Variants in PTH2R observed in about 807,000 individuals in gnomAD.
The protein encoded by PTH2R is parathyroid hormone 2 receptor, also known as PTH2 receptor.
Under a neutral mutation model 60.3 loss-of-function variants are expected in PTH2R, and 59 were observed. The ratio of observed to expected loss-of-function variants is 0.98; its 90% confidence interval spans 0.79 to 1.22. The LOEUF is 1.22. Ranked by LOEUF, PTH2R falls within the 50% of genes most tolerant of loss-of-function variation. The pLI is 0.00. For missense variants in PTH2R, 749 were observed against 682.6 expected, an observed-to-expected ratio of 1.10 and a Z score of -1.08; for synonymous variants, 256 against 243.8, an observed-to-expected ratio of 1.05 and a Z score of -0.47.
chr2:208,478,387 G>A (rs1012021332), intron 9 of PTH2R, among the ~76,000 whole-genome samples: 1 of 152,020 alleles, frequency 6.6e-6, no homozygotes, highest in African/African-American at 2.4e-5. Context: ...ATCCTTTTCA[G>A]CTTCTAGAGG....
intron 1 of PTH2R, among the ~76,000 whole-genome samples, chr2:208,422,913 A>C (rs1232392356): frequency 6.6e-6 from 1 of 151,410 alleles, no homozygotes; most frequent in African/African-American, 2.4e-5. Context: ...TGCACTTCCC[A>C]CTCCTCAACT....
In PTH2R at chr2:208,442,388, GT is replaced by G. The variant is rs1365675948; in HGVS notation, c.437del (p.Val146GlufsTer44). On this transcript the variant is annotated frameshift_variant, in exon 5 of 13. Coordinates refer to ENST00000272847, the MANE Select transcript of PTH2R (RefSeq NM_005048.4). LOFTEE classifies it high-confidence loss of function. ...GCAAGAATTCTTTGAACGCCTCTAT[GT>G]AATGTATACCGTTGGCTACTCCATC... ...GKQEFFERLYVMYTVGYSISF... is the reference protein window; with the variant it reads ...GKQEFFERLYXMYTVGYSISF... 6 of 1,612,928 alleles carry G rather than the reference GT, an allele frequency of 3.7e-6. No individual in the cohort carries two copies. The highest frequency in any genetic ancestry group is 5.1e-6 in the Non-Finnish European group (6 of 1,178,926).
chr2:208,404,730 G>T (rs777375958), upstream of PTH2R, among the ~76,000 whole-genome samples: 13 of 152,096 alleles, frequency 8.5e-5, no homozygotes, highest in Non-Finnish European at 1.9e-4. Context: ...TCGCCTTGGG[G>T]AGTACCTTTT....
At chr2:208,458,783 G>GT (rs1333419149) in intron 8 of PTH2R, among the ~76,000 whole-genome samples, 29 of 151,764 alleles carry the variant, frequency 1.9e-4, no homozygotes, top group African/African-American at 4.3e-4. Context: ...ATGATCTTGT[G>GT]TTTTTTTTGT....
chr2:208,480,416 G>A (rs1703120061), intron 9 of PTH2R, among the ~76,000 whole-genome samples: 1 of 152,008 alleles, frequency 6.6e-6, no homozygotes, highest in Non-Finnish European at 1.5e-5. Context: ...TCTTCATCTG[G>A]AATGTCTTCA....
At chr2:208,377,871 C>G (rs1250642954) in intron 1 of PTH2R, among the ~76,000 whole-genome samples, 1 of 151,156 alleles carries the variant, frequency 6.6e-6, no homozygotes, top group African/African-American at 2.4e-5. Context: ...CGGGAAGAGG[C>G]GCTCCTCACT....
At chr2:208,390,016 GAGC>G (rs1177052351) in intron 1 of PTH2R, among the ~76,000 whole-genome samples, 1 of 152,098 alleles carries the variant, frequency 6.6e-6, no homozygotes, top group Non-Finnish European at 1.5e-5. Flanking sequence ...TGGTTATTTA[GAGC>G]ATGCCACTCC....
intron 8 of PTH2R, among the ~76,000 whole-genome samples, chr2:208,457,431 T>G (rs1702536690): frequency 6.6e-6 from 1 of 152,238 alleles, no homozygotes; most frequent in African/African-American, 2.4e-5. Context: ...GAATTACACT[T>G]TAGTGTAGGT....
intron 1 of PTH2R, among the ~76,000 whole-genome samples, chr2:208,378,336 T>G (rs562548249): frequency 1.6e-3 from 239 of 151,600 alleles, no homozygotes; most frequent in Middle Eastern, 3.4e-3. Context: ...CAGTCCAGCT[T>G]TGGCTCGGCA....
chr2:208,442,849 TA>T (rs1490903674), intron 5 of PTH2R, among the ~76,000 whole-genome samples: 1 of 152,210 alleles, frequency 6.6e-6, no homozygotes, highest in Non-Finnish European at 1.5e-5. Context: ...TGTTATGGTT[TA>T]TTTTTTATCC....
upstream of PTH2R, among the ~76,000 whole-genome samples, chr2:208,402,926 AC>A (rs1559209414): frequency 6.6e-6 from 1 of 152,190 alleles, no homozygotes; most frequent in African/African-American, 2.4e-5. Flanking sequence ...GAAACAGAAG[AC>A]CTAAGCTGAA....
At position 208,441,457 on chromosome 2, in the gene PTH2R, G is replaced by A. The variant is rs905053528; in HGVS notation, c.412-907G>A. 4.6e-5 allele frequency among the ~76,000 whole-genome samples: 7 copies of A among 152,204 alleles called. No homozygotes were observed. In the East Asian group the frequency reaches 1.4e-3, roughly 29 times the overall value. ...CTTTTATGGAGGCTTCATTGGATTA[G>A]CCTGATTGAAACATGGAAAACGCTT... On this transcript the variant is annotated intron_variant, in intron 4 of 12. Coordinates refer to ENST00000272847, the MANE Select transcript of PTH2R (RefSeq NM_005048.4).
Position 208,493,413 on chromosome 2 carries a change from A to C in PTH2R, c.1407A>C (p.Thr469=). Residue 469 remains threonine, a synonymous_variant, in exon 13 of 13, where the codon ACA becomes ACC. Transcript: ENST00000272847. ...GCCAGTCACAGGTGGCGGCCAGCAC[A>C]CGCATGGTGCTTATCTCTGGCAAAG... ...TSSQSQVAAS[T]RMVLISGKAA... 1 of 1,610,848 alleles carries C rather than the reference A, an allele frequency of 6.2e-7. No homozygotes were observed. Among genetic ancestry groups the C allele is most frequent in the Non-Finnish European group, 8.5e-7 (1 of 1,177,838 alleles).
At chr2:208,421,951 T>C (rs1701765355) in intron 1 of PTH2R, among the ~76,000 whole-genome samples, 1 of 152,258 alleles carries the variant, frequency 6.6e-6, no homozygotes, top group Admixed American at 6.5e-5. Context: ...ACCAGTGGGA[T>C]ATACATACAA....
chr2:208,385,699 T>C (rs1441212254), intron 1 of PTH2R, among the ~76,000 whole-genome samples: 1 of 152,252 alleles, frequency 6.6e-6, no homozygotes, highest in Non-Finnish European at 1.5e-5. Flanking sequence ...AATGTATTTG[T>C]AGGGCTCTGG....
At chr2:208,473,944 T>C (rs1702940125) in intron 9 of PTH2R, among the ~76,000 whole-genome samples, 1 of 152,128 alleles carries the variant, frequency 6.6e-6, no homozygotes, top group African/African-American at 2.4e-5. Flanking sequence ...GGGGGTATCT[T>C]AGATTTTGTT....
chr2:208,427,233 C>CAAAA (rs796945213), intron 1 of PTH2R, among the ~76,000 whole-genome samples: 4 of 152,016 alleles, frequency 2.6e-5, no homozygotes, highest in African/African-American at 9.6e-5. Flanking sequence ...AGGAAAAAAC[C>CAAAA]AAAACAAAAC....
At chr2:208,406,682 T>A (rs1701415222), upstream of PTH2R, 2 of 190,594 alleles carry the variant, frequency 1.0e-5, no homozygotes. Context: ...CGGGACCCAG[T>A]GACTTCGAGG....
At chr2:208,408,740 A>AGAGAAAGAGAGAGAGAGAGAGAGAGAGAG (rs1553542827) in intron 1 of PTH2R, among the ~76,000 whole-genome samples, 11 of 123,334 alleles carry the variant, frequency 8.9e-5, no homozygotes, top group African/African-American at 3.1e-4. Flanking sequence ...GAGAGAGAGA[A>AGAGAAAGAGAGAGAGAGAGAGAGAGAGAG]AGAGAGAGAG....
Sources: gnomAD v4.1 joint callset for allele counts (sites outside exome capture counted in the v4.1 genomes callset) on GRCh38, gnomAD v4.1.1 for gene constraint, MANE v1.5 for transcripts, NCBI Gene and HGNC (gene_info 2026-07-23, HGNC 2026-07-21) for gene names.